The following IFNL1 variants were observed in gnomAD, a reference collection of about 807,000 sequenced individuals.
IFNL1 encodes interferon lambda 1.
In IFNL1, 16 loss-of-function variants were observed where a neutral mutation model predicts 17.1. That is an observed-to-expected ratio of 0.93 (90% CI 0.63 to 1.42). IFNL1 has a LOEUF of 1.42. Among genes scored for constraint, IFNL1 ranks in the 40% most tolerant of loss-of-function variants. The pLI, the probability that IFNL1 is intolerant of heterozygous loss-of-function variation, is 0.00. For missense variants in IFNL1, 262 were observed against 249.4 expected (o/e 1.05, Z -0.34); for synonymous variants, 104 against 111.4 (o/e 0.93, Z 0.42).
intron 2 of IFNL1, among the ~76,000 whole-genome samples, chr19:39,297,308 CTCTTTT>C: frequency 7.2e-6 from 1 of 139,474 alleles, no homozygotes; most frequent in South Asian, 2.3e-4. Context: ...ATCCACCCTT[CTCTTTT>C]TTTTTTTTTT....
rs2075108410 is a variant in IFNL1 at position 39,298,632 on chromosome 19, A to G, written c.*116A>G. 2.4e-6 allele frequency: 3 copies of G among 1,255,350 alleles called. No homozygotes were observed. In the Admixed American group the frequency reaches 6.3e-5, roughly 26 times the overall value. 77.8% of individuals were successfully genotyped at this position (1,255,350 alleles called of 1,614,324 possible). The stretch of plus-strand genomic sequence containing the variant: ...GACATAGGGCTGAGTTTATTGTTTT[A>G]CTTTTATACATTATGCACAAATAAA... On this transcript the variant is annotated 3_prime_UTR_variant, in exon 5 of 5. Coordinates refer to ENST00000333625, the MANE Select transcript of IFNL1 (RefSeq NM_172140.2).
rs201955392 is a variant in IFNL1, at chr19:39,298,237, C to A, written c.418C>A (p.Pro140Thr). 15 of 1,614,034 alleles carry A rather than the reference C, an allele frequency of 9.3e-6. No homozygotes were observed. Among genetic ancestry groups the A allele is most frequent in the Non-Finnish European group, 1.3e-5 (15 of 1,179,978 alleles). The change falls in exon 4 of 5, where the codon CCC becomes ACC. Residue 140 changes from proline (P) to threonine (T), a missense_variant. Transcript: ENST00000333625. ...ACIQPQPTAG[P>T]RPRGRLHHWL... ...GATCCAGCCTCAGCCCACAGCAGGG[C>A]CCAGGCCCCGGGGCCGCCTCCACCA...
rs201687084 is a variant in IFNL1 at position 39,296,603 on chromosome 19, G to A, written c.171+11G>A. ...GCCAGGGACGCCTTGGTGAGTTCCT[G>A]TTGCTGTGGATGAACCACTTCTACG... On this transcript the variant is annotated intron_variant, in intron 1 of 4. Coordinates refer to ENST00000333625, the MANE Select transcript of IFNL1 (RefSeq NM_172140.2). 411 of 1,606,742 alleles carry A rather than the reference G, an allele frequency of 2.6e-4. No homozygotes were observed. In the African/African-American group the frequency reaches 4.7e-3, roughly 19 times the overall value.
At position 39,296,607 on chromosome 19, in the gene IFNL1, C is replaced by A; in HGVS notation, c.171+15C>A. The A allele has an allele frequency of 6.2e-7, 1 of 1,605,084 alleles. No homozygotes were observed. Among genetic ancestry groups the A allele is most frequent in the South Asian group, 1.1e-5 (1 of 90,026 alleles). The stretch of plus-strand genomic sequence containing the variant: ...GGGACGCCTTGGTGAGTTCCTGTTG[C>A]TGTGGATGAACCACTTCTACGGGTG... On this transcript the variant is annotated intron_variant, in intron 1 of 4. Transcript: ENST00000333625.
Position 39,298,544 on chromosome 19 carries a change from C to A in IFNL1, c.*28C>A. Reference sequence around the variant, plus strand: ...CCCCACACCTTATTTATGCGCTGAGCCCTACTCCTTCCTTAATTTATTTCC... The same window carrying A: ...CCCCACACCTTATTTATGCGCTGAGACCTACTCCTTCCTTAATTTATTTCC... On this transcript the variant is annotated 3_prime_UTR_variant, in exon 5 of 5. Transcript: ENST00000333625. 6.2e-7 allele frequency: 1 copy of A among 1,611,398 alleles called. No homozygotes were observed. Among genetic ancestry groups the A allele is most frequent in the Non-Finnish European group, 8.5e-7 (1 of 1,177,996 alleles).
Position 39,296,608 on chromosome 19 carries a change from T to C in IFNL1, c.171+16T>C. The C allele has an allele frequency of 1.2e-6, 2 of 1,605,436 alleles. No individual in the cohort carries two copies. Among genetic ancestry groups the C allele is most frequent in the Non-Finnish European group, 1.7e-6 (2 of 1,176,044 alleles). ...GGACGCCTTGGTGAGTTCCTGTTGC[T>C]GTGGATGAACCACTTCTACGGGTGT... is the stretch of plus-strand genomic sequence containing the variant. On this transcript the variant is annotated intron_variant, in intron 1 of 4. Transcript: ENST00000333625.
intron 2 of IFNL1, 47 bp from the exon 3 acceptor site, chr19:39,297,917 T>A (rs781015731): frequency 6.2e-7 from 1 of 1,610,822 alleles, no homozygotes; most frequent in Admixed American, 1.7e-5. Flanking sequence ...ACTAACTGGG[T>A]CTTCTTGCCT....
At position 39,297,834 on chromosome 19, in the gene IFNL1, C is replaced by A. The variant is rs1010634031; in HGVS notation, c.250-130C>A. On this transcript the variant is annotated intron_variant, in intron 2 of 4. Transcript: ENST00000333625. Reference sequence around the variant, plus strand: ...TGTCTTCCCCCTCCTGTCTCCTTCTCCCCAGACCCCTCACCTGTCCCCACC... The same window carrying A: ...TGTCTTCCCCCTCCTGTCTCCTTCTACCCAGACCCCTCACCTGTCCCCACC... 22 of 1,161,326 alleles carry A rather than the reference C, an allele frequency of 1.9e-5. No homozygotes were observed. In the South Asian group the frequency reaches 2.9e-4, roughly 15 times the overall value. 71.9% of individuals were successfully genotyped at this position (1,161,326 alleles called of 1,614,324 possible). A position where few individuals can be genotyped will look rare whatever the true frequency, so the allele number is the denominator to read the frequency against.
At chr19:39,296,778 G>A (rs2075100555) in intron 1 of IFNL1, 27 bp from the exon 2 acceptor site, 1 of 1,601,784 alleles carries the variant, frequency 6.2e-7, no homozygotes, top group Non-Finnish European at 8.6e-7. Context: ...ATCCTGCTGT[G>A]GGCTAACCCC....
In IFNL1 at chr19:39,296,467, T is replaced by C. The variant is rs1464317127; in HGVS notation, c.46T>C (p.Leu16=). The C allele has an allele frequency of 1.9e-6, 3 of 1,612,458 alleles. No homozygotes were observed. In the East Asian group the frequency reaches 6.7e-5, roughly 36 times the overall value. The part of the protein sequence containing the change: ...TVVLVTLVLG[L]AVAGPVPTSK... ...GGTGCTGGTGACTTTGGTGCTAGGCTTGGCCGTGGCAGGCCCTGTCCCCAC... is the reference window on the plus strand; with the variant it reads ...GGTGCTGGTGACTTTGGTGCTAGGCCTGGCCGTGGCAGGCCCTGTCCCCAC... Residue 16 remains leucine, a synonymous_variant, in exon 1 of 5, where the codon TTG becomes CTG. Transcript: ENST00000333625.
chr19:39,298,413 C>T lies in IFNL1; in HGVS notation c.500C>T (p.Ala167Val), dbSNP rs749288088. ...CAGGAGTCCGCTGGCTGCCTGGAGG[C>T]ATCTGTCACCTTCAACCTCTTCCGC... ...PKKESAGCLE[A>V]SVTFNLFRLL... Residue 167 changes from alanine (A) to valine (V), a missense_variant, in exon 5 of 5, where the codon GCA becomes GTA. By Grantham distance (64) the Ala-to-Val change is moderately conservative (BLOSUM62 0). Transcript: ENST00000333625. 1 of 1,614,232 alleles carries T rather than the reference C, an allele frequency of 6.2e-7. No individual in the cohort carries two copies. Among genetic ancestry groups the T allele is most frequent in the Non-Finnish European group, 8.5e-7 (1 of 1,180,032 alleles).
chr19:39,297,895 C>T, intron 2 of IFNL1, 69 bp from the exon 3 acceptor site: 2 of 1,594,474 alleles, frequency 1.3e-6, no homozygotes, highest in South Asian at 2.2e-5. Context: ...CCAGGACTGC[C>T]TACCTGTCCC....
intron 2 of IFNL1, 88 bp downstream of exon 2, chr19:39,296,970 T>G (rs753863801): frequency 1.0e-6 from 1 of 958,314 alleles, no homozygotes; most frequent in African/African-American, 1.6e-5. Flanking sequence ...TTGTTTCCCT[T>G]GTCCTTCACT....
intron 2 of IFNL1, 148 bp from the exon 3 acceptor site, chr19:39,297,816 C>A: frequency 1.1e-6 from 1 of 901,188 alleles, no homozygotes; most frequent in Non-Finnish European, 1.7e-6. Context: ...TCATGTCTTC[C>A]CCCTCCTGTC....
In IFNL1 at chr19:39,298,274, G is replaced by C; in HGVS notation, c.455G>C (p.Arg152Pro). 1 of 1,614,124 alleles carries C rather than the reference G, an allele frequency of 6.2e-7. No individual in the cohort carries two copies. Residue 152 changes from arginine to proline, a missense_variant, in exon 4 of 5, where the codon CGG (arginine) becomes CCG (proline). Physicochemically the swap from Arg to Pro is moderately radical, Grantham distance 103 (BLOSUM62 -2). Coordinates refer to ENST00000333625, the MANE Select transcript of IFNL1 (RefSeq NM_172140.2). ...GGCCGCCTCCACCACTGGCTGCACC[G>C]GCTCCAGGAGGCCCCCAAAAAGGTG... ...PRGRLHHWLH[R>P]LQEAPKKESA...
intron 2 of IFNL1, 130 bp downstream of exon 2, chr19:39,297,012 C>A: frequency 1.5e-6 from 1 of 661,966 alleles, no homozygotes. Context: ...GTCCTGTGCC[C>A]CTGCCACTTC....
intron 2 of IFNL1, among the ~76,000 whole-genome samples, chr19:39,297,577 C>A (rs1218521535): frequency 6.6e-6 from 1 of 152,086 alleles, no homozygotes; most frequent in Non-Finnish European, 1.5e-5. Context: ...GCCTCGGCCT[C>A]CCAAAGTGCT....
At chr19:39,297,928 G>C (rs1206550948) in intron 2 of IFNL1, 36 bp from the exon 3 acceptor site, 13 of 1,612,904 alleles carry the variant, frequency 8.1e-6, no homozygotes, top group Non-Finnish European at 1.1e-5. Flanking sequence ...CTTCTTGCCT[G>C]TTCTCCCTCA....
Position 39,298,648 on chromosome 19 carries a change from C to T in IFNL1, c.*132C>T, listed in dbSNP as rs1012282941. 5.5e-6 allele frequency: 6 copies of T among 1,095,880 alleles called. No homozygotes were observed. In the Admixed American group the frequency reaches 1.1e-4, roughly 20 times the overall value. 67.9% of individuals were successfully genotyped at this position (1,095,880 alleles called of 1,614,324 possible). ...TATTGTTTTACTTTTATACATTATG[C>T]ACAAATAAACAACAAGGAATTGGAA... On this transcript the variant is annotated 3_prime_UTR_variant, in exon 5 of 5. Transcript: ENST00000333625.
Sources: gnomAD v4.1 joint callset for allele counts (sites outside exome capture counted in the v4.1 genomes callset) on GRCh38, gnomAD v4.1.1 for gene constraint, MANE v1.5 for transcripts, NCBI Gene and HGNC (gene_info 2026-07-23, HGNC 2026-07-21) for gene names.